Variants in LRRC4C observed in about 807,000 individuals in gnomAD.
LRRC4C encodes leucine-rich repeat-containing protein 4C.
LRRC4C carries 5 observed loss-of-function variants against 33.6 expected under a neutral mutation model. The observed-to-expected ratio is 0.15, with a 90% CI of 0.08 to 0.31. The LOEUF (loss-of-function observed/expected upper bound fraction) is 0.31, where lower values mean the gene tolerates loss of function less well. Among genes scored for constraint, LRRC4C ranks in the 10% least tolerant of loss-of-function variants. The pLI, the probability that LRRC4C is intolerant of heterozygous loss-of-function variation, is 1.00. For missense variants in LRRC4C, 560 were observed against 796.7 expected (o/e 0.70, Z 3.58); for synonymous variants, 329 against 302.0 (o/e 1.09, Z -0.93).
At chr11:40,782,780 G>A (rs1331585906) in intron 2 of LRRC4C, among the ~76,000 whole-genome samples, 2 of 152,060 alleles carry the variant, frequency 1.3e-5, no homozygotes, top group East Asian at 1.9e-4. Flanking sequence ...GCATTTCTAT[G>A]TAGTCAATTA....
At chr11:40,807,107 A>G (rs1034775341) in intron 2 of LRRC4C, among the ~76,000 whole-genome samples, 1 of 152,176 alleles carries the variant, frequency 6.6e-6, no homozygotes, top group Non-Finnish European at 1.5e-5. Flanking sequence ...CAAAATATAC[A>G]GCTAACTTTC....
rs530837562 is a variant in LRRC4C, at chr11:40,464,144, A to T, written c.-269-144423T>A. On this transcript the variant is annotated intron_variant, in intron 3 of 6. Coordinates refer to ENST00000528697, the MANE Select transcript of LRRC4C (RefSeq NM_001258419.2). ...TCAAAAAGATAGTACACCATGATCA[A>T]GTGGGTTTTATTGCACGGATGCAAT... Among the ~76,000 whole-genome samples, 5 of 152,248 alleles carry T rather than the reference A, an allele frequency of 3.3e-5. No homozygotes were observed. The East Asian group carries it at 9.7e-4, about 29-fold the overall frequency.
intron 5 of LRRC4C, among the ~76,000 whole-genome samples, chr11:40,155,042 C>G (rs949918949): frequency 3.9e-5 from 6 of 151,914 alleles, no homozygotes; most frequent in Admixed American, 3.9e-4. Flanking sequence ...GAAATCAACT[C>G]CAAAAAGAAC....
intron 3 of LRRC4C, among the ~76,000 whole-genome samples, chr11:40,438,287 T>C (rs1413275646): frequency 6.6e-6 from 1 of 152,234 alleles, no homozygotes; most frequent in Non-Finnish European, 1.5e-5. Flanking sequence ...ACCTTTTCAG[T>C]AAGTCCTTCC....
At chr11:40,332,077 C>T (rs1028389101) in intron 3 of LRRC4C, among the ~76,000 whole-genome samples, 5 of 152,114 alleles carry the variant, frequency 3.3e-5, no homozygotes, top group African/African-American at 1.2e-4. Context: ...ATTTTGTGAC[C>T]TTTAAAAACT....
intron 1 of LRRC4C, among the ~76,000 whole-genome samples, chr11:41,169,681 G>A (rs17515930): frequency 0.05 from 7,601 of 152,070 alleles, 261 homozygotes; most frequent in Non-Finnish European, 0.072. Context: ...AATACTGATC[G>A]CACTTTAAAT....
At chr11:40,650,795 A>C (rs886274883) in intron 2 of LRRC4C, among the ~76,000 whole-genome samples, 1 of 152,068 alleles carries the variant, frequency 6.6e-6, no homozygotes, top group Non-Finnish European at 1.5e-5. Flanking sequence ...TTATTAAGAA[A>C]CTCTCAGCCA....
At position 40,131,196 on chromosome 11, in the gene LRRC4C, A is replaced by G. The variant is rs565144998; in HGVS notation, c.-43+9605T>C. ...GCAGCCAAATTGATAAACTAATTTT[A>G]TAAAAACATAATGTATTGAAGTCCA... On this transcript the variant is annotated intron_variant, in intron 6 of 6. Coordinates refer to ENST00000528697, the MANE Select transcript of LRRC4C (RefSeq NM_001258419.2). Among the ~76,000 whole-genome samples, 253 of 152,374 alleles carry G rather than the reference A, an allele frequency of 1.7e-3. 4 individuals carry two copies. Among genetic ancestry groups the G allele is most frequent in the African/African-American group, 5.8e-3 (241 of 41,588 alleles).
chr11:41,204,470 A>G (rs1946518740), intron 1 of LRRC4C, among the ~76,000 whole-genome samples: 1 of 152,216 alleles, frequency 6.6e-6, no homozygotes, highest in African/African-American at 2.4e-5. Flanking sequence ...GTACAAGCCC[A>G]GAGATTGTCA....
chr11:40,551,316 T>A (rs10768608), intron 3 of LRRC4C, among the ~76,000 whole-genome samples: 84,881 of 151,778 alleles, frequency 0.56, 24,104 homozygotes, highest in East Asian at 0.79. Flanking sequence ...GCTCATTTGT[T>A]AAATGAGGTG....
At chr11:40,336,435 C>T (rs1165186485) in intron 3 of LRRC4C, among the ~76,000 whole-genome samples, 2 of 152,118 alleles carry the variant, frequency 1.3e-5, no homozygotes, top group Non-Finnish European at 2.9e-5. Flanking sequence ...AACTTGAATG[C>T]CGCAGGCTAC....
chr11:40,932,474 TTA>T (rs1760045641), intron 2 of LRRC4C, among the ~76,000 whole-genome samples: 1 of 152,148 alleles, frequency 6.6e-6, no homozygotes, highest in Non-Finnish European at 1.5e-5. Context: ...TTTTAGTTGG[TTA>T]TATGTTTCCA....
chr11:41,271,358 C>T (rs1461046019), intron 1 of LRRC4C, among the ~76,000 whole-genome samples: 1 of 152,120 alleles, frequency 6.6e-6, no homozygotes, highest in Non-Finnish European at 1.5e-5. Context: ...GGAACCTAAC[C>T]TCGACATTTT....
intron 1 of LRRC4C, among the ~76,000 whole-genome samples, chr11:41,288,248 A>G (rs147548845): frequency 0.013 from 1,931 of 152,290 alleles, 22 homozygotes; most frequent in Middle Eastern, 0.058. Context: ...GACAGTACGT[A>G]ATCTCCATCC....
rs777337775 is a variant in LRRC4C at position 40,115,369 on chromosome 11, G to A, written c.924C>T (p.Asp308=). Residue 308 remains aspartate, a synonymous_variant, in exon 7 of 7, where the codon GAC becomes GAT. Transcript: ENST00000528697. This position sits in a 1 kb window ranked among gnomAD's most constrained non-coding sequence, Gnocchi z 6.7. ...TTATCCACCAGCTGAGCCACAGTAT[G>A]TCACAGTTACAGTTCCAAGGGTTGT... The part of the protein sequence containing the change: ...LHHNPWNCNC[D]ILWLSWWIKD... 8.1e-6 allele frequency: 13 copies of A among 1,614,208 alleles called. No individual in the cohort carries two copies. In the East Asian group the frequency reaches 1.8e-4, roughly 22 times the overall value.
At chr11:40,299,808 A>G (rs1029392692) in intron 4 of LRRC4C, among the ~76,000 whole-genome samples, 1 of 152,206 alleles carries the variant, frequency 6.6e-6, no homozygotes. Context: ...CAATGGTGAG[A>G]TAATATGGTC....
chr11:40,707,163 C>A (rs1288285408), intron 2 of LRRC4C, among the ~76,000 whole-genome samples: 3 of 152,136 alleles, frequency 2.0e-5, no homozygotes, highest in African/African-American at 7.2e-5. Flanking sequence ...CAAACAGGGA[C>A]AATTTGACTT....
chr11:40,660,292 G>A (rs950581443), intron 2 of LRRC4C, among the ~76,000 whole-genome samples: 5 of 152,184 alleles, frequency 3.3e-5, no homozygotes, highest in African/African-American at 1.2e-4. Context: ...ATTGCCCTCA[G>A]CAGGCATGGG....
chr11:41,270,868 G>A (rs956696914), intron 1 of LRRC4C, among the ~76,000 whole-genome samples: 1 of 152,076 alleles, frequency 6.6e-6, no homozygotes, highest in Non-Finnish European at 1.5e-5. Context: ...GGTTACTTGT[G>A]TAGGTATTTG....
Sources: gnomAD v4.1 joint callset for allele counts (sites outside exome capture counted in the v4.1 genomes callset) on GRCh38, gnomAD v4.1.1 for gene constraint, Gnocchi (gnomAD v3.1) non-coding constraint, MANE v1.5 for transcripts, NCBI Gene and HGNC (gene_info 2026-07-23, HGNC 2026-07-21) for gene names.